BRWD1: variants seen among roughly 807,000 people sequenced by gnomAD.
The protein encoded by BRWD1 is bromodomain and WD repeat domain containing 1, also known as bromodomain and WD repeat-containing protein 1.
Under a neutral mutation model 251.2 loss-of-function variants are expected in BRWD1, and 82 were observed. The observed-to-expected ratio is 0.33, with a 90% CI of 0.27 to 0.39. The LOEUF is 0.39. BRWD1 is among the 10% of genes least tolerant of loss of function. BRWD1 has a pLI of 1.00. For synonymous variants in BRWD1, 918 were observed against 902.8 expected (o/e 1.02, Z -0.30); for missense variants, 2,233 against 2,711.6 (o/e 0.82, Z 3.92).
At chr21:39,220,022 TAA>T (rs2033110748) in intron 29 of BRWD1, among the ~76,000 whole-genome samples, 1 of 147,890 alleles carries the variant, frequency 6.8e-6, no homozygotes, top group South Asian at 2.1e-4. Flanking sequence ...GCAGGCAACA[TAA>T]AGTGCTTTAA....
At chr21:39,278,348 T>C (rs960671953) in intron 10 of BRWD1, 4 of 162,910 alleles carry the variant, frequency 2.5e-5, no homozygotes, top group Non-Finnish European at 4.0e-5. Context: ...AAGTTCACTG[T>C]ACAAAAACTG....
At chr21:39,278,346 T>C (rs2035342803) in intron 10 of BRWD1, among the ~76,000 whole-genome samples, 1 of 152,240 alleles carries the variant, frequency 6.6e-6, no homozygotes, top group African/African-American at 2.4e-5. Context: ...ACAAGTTCAC[T>C]GTACAAAAAC....
At position 39,295,908 on chromosome 21, in the gene BRWD1, G is replaced by A. The variant is rs370833585; in HGVS notation, c.449-5C>T. 90 of 1,565,028 alleles carry A rather than the reference G, an allele frequency of 5.8e-5. No homozygotes were observed. The highest frequency in any genetic ancestry group is 7.7e-5 in the Non-Finnish European group (89 of 1,154,288). On this transcript the variant is annotated splice_region_variant and splice_polypyrimidine_tract_variant and intron_variant, in intron 6 of 40. Coordinates refer to ENST00000342449, the MANE Select transcript of BRWD1 (RefSeq NM_033656.4). ...GTTTTCCTCGATGTATCTCCACTAG[G>A]AAATAAAAACAATGAAAATGGTTAA...
chr21:39,267,812 T>C (rs2034972058), intron 15 of BRWD1, among the ~76,000 whole-genome samples: 2 of 152,182 alleles, frequency 1.3e-5, no homozygotes, highest in South Asian at 2.1e-4. Context: ...TACTCAACAA[T>C]AGAAATTAAT....
At chr21:39,257,724 T>C (rs540046139) in intron 18 of BRWD1, among the ~76,000 whole-genome samples, 1 of 152,118 alleles carries the variant, frequency 6.6e-6, no homozygotes, top group South Asian at 2.1e-4. Flanking sequence ...TCTTGGATGA[T>C]ACAGGATGAA....
At chr21:39,292,927 A>G (rs1037171825) in intron 8 of BRWD1, among the ~76,000 whole-genome samples, 8 of 152,218 alleles carry the variant, frequency 5.3e-5, no homozygotes, top group African/African-American at 1.9e-4. Flanking sequence ...ATGGTGTTGC[A>G]GTTTTTTTAA....
At chr21:39,304,059 T>C (rs2036205181) in intron 4 of BRWD1, among the ~76,000 whole-genome samples, 1 of 147,128 alleles carries the variant, frequency 6.8e-6, no homozygotes, top group South Asian at 2.1e-4. Context: ...GAGAATCGCT[T>C]GAACCCGGGA....
intron 8 of BRWD1, among the ~76,000 whole-genome samples, chr21:39,287,833 CTTCT>C (rs1203770263): frequency 6.6e-6 from 1 of 152,168 alleles, no homozygotes; most frequent in African/African-American, 2.4e-5. Flanking sequence ...TGAATTTCAG[CTTCT>C]TTCTAATACA....
intron 15 of BRWD1, among the ~76,000 whole-genome samples, chr21:39,269,296 G>A (rs1200055209): frequency 3.3e-5 from 5 of 150,438 alleles, no homozygotes; most frequent in Non-Finnish European, 3.0e-5. Context: ...AAAAAAGGCC[G>A]GGAAAACCTA....
At chr21:39,217,551 C>T (rs2033006184) in intron 31 of BRWD1, 1 of 160,906 alleles carries the variant, frequency 6.2e-6, no homozygotes, top group Admixed American at 6.4e-5. Context: ...GAAAGACTGC[C>T]AACAGCTGCT....
chr21:39,314,239 G>C (rs1402554802), upstream of BRWD1: 3 of 455,594 alleles, frequency 6.6e-6, no homozygotes, highest in South Asian at 4.7e-5. Flanking sequence ...CGGGGGCCTC[G>C]TATGCTGGCG....
intron 31 of BRWD1, chr21:39,217,106 T>TTA (rs2032984034): frequency 2.0e-5 from 1 of 50,418 alleles, no homozygotes; most frequent in Non-Finnish European, 4.2e-5. Context: ...TTTTTTTTTT[T>TTA]AATTGCTTAG....
Position 39,192,854 on chromosome 21 carries a change from T to A in BRWD1, c.*3405A>T. On this transcript the variant is annotated 3_prime_UTR_variant, in exon 41 of 41. Transcript: ENST00000342449. ...TGGCACAATCAAGTTCAACTTGTAC[T>A]AACAGAAAATATTAAAATTCTTCCT... 1.0e-6 allele frequency: 1 copy of A among 982,022 alleles called. No homozygotes were observed. Among genetic ancestry groups the A allele is most frequent in the Non-Finnish European group, 1.2e-6 (1 of 828,284 alleles). The allele number at this position is 982,022 out of a possible 1,614,324, so 60.8% of individuals were successfully genotyped here.
chr21:39,202,616 C>T, intron 37 of BRWD1, 71 bp from the exon 38 acceptor site: 7 of 1,025,892 alleles, frequency 6.8e-6, no homozygotes, highest in Non-Finnish European at 8.6e-6. Context: ...CAGAGAATGA[C>T]TAAATAGAAG....
Position 39,188,114 on chromosome 21 carries a change from C to T in BRWD1, c.*8145G>A. The T allele has an allele frequency of 2.0e-6, 2 of 985,400 alleles. No homozygotes were observed. The highest frequency in any genetic ancestry group is 1.7e-5 in the African/African-American group (1 of 57,336). The allele number at this position is 985,400 out of a possible 1,614,324, so 61.0% of individuals were successfully genotyped here. ...AGGAGGGCTCAGATATGTTTGTTAC[C>T]AGTGTCTCAAAGCCAAATTTTCAAA... On this transcript the variant is annotated 3_prime_UTR_variant, in exon 41 of 41. Coordinates refer to ENST00000342449, the MANE Select transcript of BRWD1 (RefSeq NM_033656.4).
downstream of BRWD1, chr21:39,185,309 A>AT (rs1440760208): frequency 2.7e-3 from 412 of 150,536 alleles, 4 homozygotes; most frequent in African/African-American, 9.7e-3. Flanking sequence ...AAAAAAAAAA[A>AT]AAAAAAAAAA....
In BRWD1 at chr21:39,194,072, A is replaced by G; in HGVS notation, c.*2187T>C. The G allele has an allele frequency of 1.0e-6, 1 of 985,510 alleles. No homozygotes were observed. The highest frequency in any genetic ancestry group is 1.2e-6 in the Non-Finnish European group (1 of 829,710). The allele number at this position is 985,510 out of a possible 1,614,324, so 61.0% of individuals were successfully genotyped here. A position where few individuals can be genotyped will look rare whatever the true frequency, so the allele number is the denominator to read the frequency against. The stretch of plus-strand genomic sequence containing the variant: ...ACCAAATCTGATTAAAAACCAAAAT[A>G]CCACTTCTGTATGCAAGGGTCTAAC... On this transcript the variant is annotated 3_prime_UTR_variant, in exon 41 of 41. Transcript: ENST00000342449.
At position 39,199,540 on chromosome 21, in the gene BRWD1, G is replaced by A. The variant is rs750083992; in HGVS notation, c.4876C>T (p.Arg1626Ter). ...GCAGCACACTTCCTTAAGACTTTTC[G>A]GTTATTTCCAGCTCTGGCTTTTAGA... ...EILKARAGNN[R>*]KVLRKCAAVA... Residue 1626 changes from arginine (R) to a stop codon, truncating the protein, a stop_gained, in exon 40 of 41, where the codon CGA becomes TGA. Transcript: ENST00000342449. LOFTEE classifies it high-confidence loss of function. The A allele has an allele frequency of 1.2e-6, 2 of 1,613,890 alleles. No homozygotes were observed. Among genetic ancestry groups the A allele is most frequent in the African/African-American group, 1.3e-5 (1 of 74,856 alleles).
chr21:39,314,017 G>C (rs1173488819), upstream of BRWD1: 6 of 454,198 alleles, frequency 1.3e-5, no homozygotes, highest in African/African-American at 1.2e-4. Context: ...TCCTCTACGC[G>C]GGACCGCAGG....
Sources: allele counts gnomAD v4.1 joint callset (sites outside exome capture counted in the v4.1 genomes callset), GRCh38; gene constraint gnomAD v4.1.1; transcripts MANE v1.5; gene names NCBI Gene and HGNC (gene_info 2026-07-23, HGNC 2026-07-21).